Variants in MTA2 observed in about 807,000 individuals in gnomAD.
MTA2 encodes the protein metastasis associated 1 family member 2.
Under a neutral mutation model 87.1 loss-of-function variants are expected in MTA2, and 22 were observed. That is an observed-to-expected ratio of 0.25 (90% CI 0.18 to 0.36). The LOEUF is 0.36. Ranked by LOEUF, MTA2 falls within the 10% of genes least tolerant of loss-of-function variation. MTA2 has a pLI of 1.00. For missense variants in MTA2, 542 were observed against 853.2 expected, an observed-to-expected ratio of 0.64 and a Z score of 4.54; for synonymous variants, 314 against 310.1, an observed-to-expected ratio of 1.01 and a Z score of -0.13.
At position 62,598,091 on chromosome 11, in the gene MTA2, G is replaced by A. The variant is rs558679468; in HGVS notation, c.423C>T (p.Leu141=). 127 of 1,614,048 alleles carry A rather than the reference G, an allele frequency of 7.9e-5. No individual in the cohort carries two copies. In the South Asian group the frequency reaches 8.9e-4, roughly 11 times the overall value. ...LVFDPVQKTL[L]ADQGEIRVGC... ...CAACTCTAATCTCGCCCTGATCAGC[G>A]AGAAGTGTCTTCTGCACGGGGTCAA... Residue 141 remains leucine, a synonymous_variant, in exon 6 of 18, where the codon CTC becomes CTT. Coordinates refer to ENST00000278823, the MANE Select transcript of MTA2 (RefSeq NM_004739.4).
intron 1 of MTA2, chr11:62,600,909 G>C (rs1942178817): frequency 1.8e-6 from 1 of 546,014 alleles, no homozygotes; most frequent in Non-Finnish European, 3.3e-6. Flanking sequence ...ACTCAAAAGA[G>C]AGCCTTAAGG....
Position 62,595,574 on chromosome 11 carries a change from A to AT in MTA2, c.1255-83dup. ...TTTCTTCCATTCCCTGCAGGGGACA[A>AT]TTTATTCCTGTCTAATCTCTTTACT... On this transcript the variant is annotated intron_variant, in intron 13 of 17. Coordinates refer to ENST00000278823, the MANE Select transcript of MTA2 (RefSeq NM_004739.4). The surrounding 1 kb of genome is among the most constrained non-coding windows in gnomAD (Gnocchi z 4.9). 1 of 1,543,172 alleles carries AT rather than the reference A, an allele frequency of 6.5e-7. No individual in the cohort carries two copies. Among genetic ancestry groups the AT allele is most frequent in the Non-Finnish European group, 8.9e-7 (1 of 1,126,990 alleles).
At position 62,593,939 on chromosome 11, in the gene MTA2, G is replaced by C. The variant is rs1046622373; in HGVS notation, c.1943C>G (p.Pro648Arg). The C allele has an allele frequency of 1.2e-6, 2 of 1,614,074 alleles. No individual in the cohort carries two copies. The highest frequency in any genetic ancestry group is 2.7e-5 in the African/African-American group (2 of 74,928). Residue 648 changes from proline to arginine, a missense_variant, in exon 18 of 18, where the codon CCT becomes CGT. By Grantham distance (103) the Pro-to-Arg change is moderately radical. Around this residue, in one of 6 missense-constraint regions of MTA2, gnomAD observed 269 missense variants for 346.4 expected, o/e 0.78. Coordinates refer to ENST00000278823, the MANE Select transcript of MTA2 (RefSeq NM_004739.4). ...VKPTLIAVRP[P>R]VPLPAPSHPA... is the part of the protein sequence containing the mutation. ...ATGTGAGGGTGCAGGTAGAGGGACA[G>C]GGGGCCGCACTGCAATCAGCGTTGG...
At chr11:62,600,503 A>G (rs2134327933) in intron 2 of MTA2, 119 bp downstream of exon 2, 1 of 982,268 alleles carries the variant, frequency 1.0e-6, no homozygotes, top group Non-Finnish European at 1.5e-6. Flanking sequence ...AATACATCCA[A>G]TGAATGAATG....
At chr11:62,598,688 A>C in intron 3 of MTA2, 49 bp from the exon 4 acceptor site, 1 of 1,507,780 alleles carries the variant, frequency 6.6e-7, no homozygotes, top group Non-Finnish European at 9.2e-7. Flanking sequence ...ATCCAGCAAA[A>C]CACCACCCTG....
intron 2 of MTA2, 154 bp downstream of exon 2, chr11:62,600,468 G>T: frequency 2.4e-6 from 2 of 841,696 alleles, no homozygotes; most frequent in Non-Finnish European, 3.7e-6. Flanking sequence ...TAAAGTTCCT[G>T]CTAACCTCTC....
At position 62,601,640 on chromosome 11, in the gene MTA2, G is replaced by A. The variant is rs1484825546; in HGVS notation, c.-190C>T. The A allele has an allele frequency of 1.3e-5, 8 of 603,288 alleles. No homozygotes were observed. The East Asian group carries it at 2.7e-4, about 20-fold the overall frequency. 37.4% of individuals were successfully genotyped at this position (603,288 alleles called of 1,614,324 possible). ...CCCGGCCCGCGCTGTCGCCGCCGCA[G>A]CTATCGCCTCACTCCCGGGACGCTG... On this transcript the variant is annotated 5_prime_UTR_variant, in exon 1 of 18. Coordinates refer to ENST00000278823, the MANE Select transcript of MTA2 (RefSeq NM_004739.4).
In MTA2 at chr11:62,598,591, C is replaced by T. The variant is rs142914848; in HGVS notation, c.239G>A (p.Arg80His). 1.4e-4 allele frequency: 231 copies of T among 1,614,104 alleles called. No homozygotes were observed. The African/African-American group carries it at 2.4e-3, about 17-fold the overall frequency. ...SKQPGVSEQQ[R>H]HQLKHRELFL... Reference sequence around the variant, plus strand: ...AAGTTCCCGGTGCTTCAGTTGATGGCGCTGCTGCTCAGACACCCCTGGCTG... The same window carrying T: ...AAGTTCCCGGTGCTTCAGTTGATGGTGCTGCTGCTCAGACACCCCTGGCTG... The change falls in exon 4 of 18, where the codon CGC becomes CAC. Residue 80 changes from arginine to histidine, a missense_variant. Coordinates refer to ENST00000278823, the MANE Select transcript of MTA2 (RefSeq NM_004739.4).
chr11:62,597,211 A>G, intron 8 of MTA2, 105 bp downstream of exon 8: 1 of 794,012 alleles, frequency 1.3e-6, no homozygotes, highest in South Asian at 1.8e-5. Context: ...ACAAACAAAA[A>G]AAAAACACTC....
In MTA2 at chr11:62,595,960, A is replaced by G. The variant is rs1196224635; in HGVS notation, c.1114+50T>C. On this transcript the variant is annotated intron_variant, in intron 12 of 17. Transcript: ENST00000278823. This position sits in a 1 kb window ranked among gnomAD's most constrained non-coding sequence, Gnocchi z 4.9. Reference sequence around the variant, plus strand: ...CCTAAGCCCCTCAGATTCTTGAGCCACAGCAGGCCTTCCACCCATCCCCAC... The same window carrying G: ...CCTAAGCCCCTCAGATTCTTGAGCCGCAGCAGGCCTTCCACCCATCCCCAC... 1 of 1,614,084 alleles carries G rather than the reference A, an allele frequency of 6.2e-7. No homozygotes were observed. The highest frequency in any genetic ancestry group is 8.5e-7 in the Non-Finnish European group (1 of 1,179,952).
rs893029462 is a variant in MTA2, at chr11:62,600,501, C to CA, written c.96+120dup. Reference sequence around the variant, plus strand: ...CTCAATAGCCTTTCCTGAATACATCCAATGAATGAATGAACGAATATGAAT... The same window carrying CA: ...CTCAATAGCCTTTCCTGAATACATCCAAATGAATGAATGAACGAATATGAAT... On this transcript the variant is annotated intron_variant, in intron 2 of 17. Coordinates refer to ENST00000278823, the MANE Select transcript of MTA2 (RefSeq NM_004739.4). 121 of 978,904 alleles carry CA rather than the reference C, an allele frequency of 1.2e-4. No homozygotes were observed. The African/African-American group carries it at 1.8e-3, about 15-fold the overall frequency. 60.6% of individuals were successfully genotyped at this position (978,904 alleles called of 1,614,324 possible). A position where few individuals can be genotyped will look rare whatever the true frequency, so the allele number is the denominator to read the frequency against.
chr11:62,597,341 G>A lies in MTA2; in HGVS notation c.668C>T (p.Ala223Val). The A allele has an allele frequency of 6.2e-7, 1 of 1,608,958 alleles. No homozygotes were observed. The highest frequency in any genetic ancestry group is 8.5e-7 in the Non-Finnish European group (1 of 1,178,476). The change falls in exon 8 of 18, where the codon GCT (alanine) becomes GTT (valine). Residue 223 changes from alanine to valine, a missense_variant. Physicochemically the swap from Ala to Val is moderately conservative, Grantham distance 64. This residue lies in a region of MTA2 where 44 missense variants were observed against 104.8 expected (regional missense o/e 0.42). Coordinates refer to ENST00000278823, the MANE Select transcript of MTA2 (RefSeq NM_004739.4). ...IRQPSLHMSA[A>V]AASRDITLFH... ...CAGAGTGATATCTCGGGAGGCAGCA[G>A]CTGCACTCATGTGCAAGCTTGGCTG...
chr11:62,595,642 C>T lies in MTA2; in HGVS notation c.1254+110G>A. The T allele has an allele frequency of 6.5e-7, 1 of 1,541,454 alleles. No individual in the cohort carries two copies. Among genetic ancestry groups the T allele is most frequent in the South Asian group, 1.2e-5 (1 of 81,630 alleles). ...GTCTCCCCAACCAGCATCAAGCACC[C>T]CGTCCATCAAACCATCACCATATAA... On this transcript the variant is annotated intron_variant, in intron 13 of 17. Coordinates refer to ENST00000278823, the MANE Select transcript of MTA2 (RefSeq NM_004739.4). The surrounding 1 kb of genome is among the most constrained non-coding windows in gnomAD (Gnocchi z 4.9).
chr11:62,600,187 T>C lies in MTA2; in HGVS notation c.169A>G (p.Ser57Gly), dbSNP rs769167977. 2.5e-6 allele frequency: 4 copies of C among 1,614,034 alleles called. No individual in the cohort carries two copies. The highest frequency in any genetic ancestry group is 3.4e-6 in the Non-Finnish European group (4 of 1,179,998). ...TCACTGGCATTACTATCAGCCAGGC[T>C]GTTGAGGCTACTAGAAATGTCCCTG... ...RRRDISSSLN[S>G]LADSNAREFE... The change falls in exon 3 of 18, where the codon AGC becomes GGC. Residue 57 changes from serine (S) to glycine (G), a missense_variant. Around this residue, in one of 6 missense-constraint regions of MTA2, gnomAD observed 150 missense variants for 243.9 expected, o/e 0.62. Coordinates refer to ENST00000278823, the MANE Select transcript of MTA2 (RefSeq NM_004739.4).
chr11:62,595,257 C>A lies in MTA2; in HGVS notation c.1483+7G>T. On this transcript the variant is annotated splice_region_variant and intron_variant, in intron 14 of 17. Coordinates refer to ENST00000278823, the MANE Select transcript of MTA2 (RefSeq NM_004739.4). This position sits in a 1 kb window ranked among gnomAD's most constrained non-coding sequence, Gnocchi z 4.9. ...CCACCACCAGTCCCACCACTCCCTG[C>A]CCTTACACTCTGCTTTGATGGCATT... 1 of 1,613,670 alleles carries A rather than the reference C, an allele frequency of 6.2e-7. No individual in the cohort carries two copies.
Position 62,596,471 on chromosome 11 carries a change from CG to C in MTA2, c.943del (p.Arg315GlyfsTer8). 6.2e-7 allele frequency: 1 copy of C among 1,613,974 alleles called. No individual in the cohort carries two copies. The highest frequency in any genetic ancestry group is 8.5e-7 in the Non-Finnish European group (1 of 1,179,942). ...QFYYMWKTTD[R>X]YIQQKRLKAA... ...CCCAGATAATACCTGCTGAATATACCGGTCTGTGGTTTTCCACATGTAATAA... is the reference window on the plus strand; with the variant it reads ...CCCAGATAATACCTGCTGAATATACCGTCTGTGGTTTTCCACATGTAATAA... On this transcript the variant is annotated frameshift_variant, in exon 10 of 18. Transcript: ENST00000278823. LOFTEE classifies it high-confidence loss of function.
intron 3 of MTA2, among the ~76,000 whole-genome samples, chr11:62,599,675 G>A (rs1942151126): frequency 1.3e-5 from 2 of 151,892 alleles, no homozygotes; most frequent in African/African-American, 2.4e-5. Context: ...AAAATGGAGG[G>A]GGGCGGGCGG....
At position 62,595,726 on chromosome 11, in the gene MTA2, C is replaced by G. The variant is rs1254755215; in HGVS notation, c.1254+26G>C. ...CCATCAATATGCTTACTGCTCTCCC[C>G]TGCTTTTCTTCCCACTGATCCTTAC... is the stretch of plus-strand genomic sequence containing the variant. On this transcript the variant is annotated intron_variant, in intron 13 of 17. Transcript: ENST00000278823. The surrounding 1 kb of genome is among the most constrained non-coding windows in gnomAD (Gnocchi z 4.9). The G allele has an allele frequency of 6.2e-7, 1 of 1,612,854 alleles. No homozygotes were observed. The highest frequency in any genetic ancestry group is 1.3e-5 in the African/African-American group (1 of 74,890).
chr11:62,594,929 C>G, intron 15 of MTA2, 52 bp downstream of exon 15: 1 of 1,504,168 alleles, frequency 6.6e-7, no homozygotes, highest in Non-Finnish European at 9.2e-7. Flanking sequence ...AGATGTCAGA[C>G]AGGGAAAGGA....
Sources: allele counts gnomAD v4.1 joint callset (sites outside exome capture counted in the v4.1 genomes callset), GRCh38; gene constraint gnomAD v4.1.1; regional missense constraint gnomAD v4.1.1; non-coding constraint Gnocchi (gnomAD v3.1); transcripts MANE v1.5; gene names NCBI Gene and HGNC (gene_info 2026-07-23, HGNC 2026-07-21).